The following MBOAT2 variants were observed in gnomAD, a reference collection of about 807,000 sequenced individuals.
MBOAT2 encodes the protein membrane bound glycerophospholipid O-acyltransferase 2.
Under a neutral mutation model 63.4 loss-of-function variants are expected in MBOAT2, and 28 were observed. The observed-to-expected ratio is 0.44, with a 90% confidence interval of 0.33 to 0.61. The LOEUF is 0.61. Among genes scored for constraint, MBOAT2 ranks in the 20% least tolerant of loss-of-function variants. MBOAT2 has a pLI of 0.03. For missense variants in MBOAT2, 470 were observed against 605.8 expected (o/e 0.78, Z 2.35); for synonymous variants, 211 against 215.6 (o/e 0.98, Z 0.19).
intron 3 of MBOAT2, among the ~76,000 whole-genome samples, chr2:8,937,651 C>CA (rs1239213018): frequency 6.6e-6 from 1 of 152,052 alleles, no homozygotes; most frequent in African/African-American, 2.4e-5. Flanking sequence ...ACACTCCAGA[C>CA]AGAGGGAACA....
chr2:8,993,240 T>A (rs1176910773), intron 1 of MBOAT2, among the ~76,000 whole-genome samples: 1 of 152,200 alleles, frequency 6.6e-6, no homozygotes, highest in South Asian at 2.1e-4. Flanking sequence ...CCCCCAAAAT[T>A]CTTCAATGCT....
intron 9 of MBOAT2, among the ~76,000 whole-genome samples, chr2:8,865,403 T>C (rs932230774): frequency 6.6e-6 from 1 of 152,122 alleles, no homozygotes; most frequent in Non-Finnish European, 1.5e-5. Context: ...CACACACACT[T>C]ATCCTGCCCT....
chr2:8,871,807 T>C lies in MBOAT2; in HGVS notation c.883+1301A>G, dbSNP rs546780298. ...AAACCGACAGTAAAATGCTAATCCT[T>C]AGAGGCCTAATTATTGGCTGATGTG... On this transcript the variant is annotated intron_variant, in intron 8 of 12. Transcript: ENST00000305997. 5.9e-5 allele frequency among the ~76,000 whole-genome samples: 9 copies of C among 152,294 alleles called. No homozygotes were observed. The South Asian group carries it at 1.9e-3, about 32-fold the overall frequency.
intron 3 of MBOAT2, among the ~76,000 whole-genome samples, chr2:8,911,519 A>C (rs548610125): frequency 2.2e-4 from 34 of 152,276 alleles, no homozygotes; most frequent in African/African-American, 7.9e-4. Context: ...GTAGAAATCT[A>C]ATCTCTAATG....
At position 8,951,961 on chromosome 2, in the gene MBOAT2, G is replaced by C. The variant is rs552691156; in HGVS notation, c.221+6536C>G. Among the ~76,000 whole-genome samples the C allele has an allele frequency of 2.2e-3, 334 of 152,136 alleles. 2 individuals carry two copies. The highest frequency in any genetic ancestry group is 4.0e-3 in the Non-Finnish European group (269 of 67,994). On this transcript the variant is annotated intron_variant, in intron 2 of 12. Coordinates refer to ENST00000305997, the MANE Select transcript of MBOAT2 (RefSeq NM_138799.4). ...TAATTTTAGTTATTTCTTTTCTTCT[G>C]CTAGCTTTGAGGTTAGTTTGTTCTC... is the stretch of plus-strand genomic sequence containing the variant.
chr2:8,985,715 C>A (rs1671518339), intron 1 of MBOAT2, among the ~76,000 whole-genome samples: 1 of 152,074 alleles, frequency 6.6e-6, no homozygotes, highest in African/African-American at 2.4e-5. Context: ...CAAGTATATG[C>A]CAAATGAGGC....
In MBOAT2 at chr2:9,003,566, T is replaced by G; in HGVS notation, c.49A>C (p.Asn17His). ...TGGTCGATGGGCAGCTGCACGGCGTTGCTGAGGGGCTGCAGCAGGGTGGAG... is the reference window on the plus strand; with the variant it reads ...TGGTCGATGGGCAGCTGCACGGCGTGGCTGAGGGGCTGCAGCAGGGTGGAG... ...TGSTLLQPLS[N>H]AVQLPIDQVN... The change falls in exon 1 of 13, where the codon AAC (asparagine) becomes CAC (histidine). Residue 17 changes from asparagine to histidine, a missense_variant. Around this residue, in one of 3 missense-constraint regions of MBOAT2, gnomAD observed 376 missense variants for 503.8 expected, o/e 0.75. Coordinates refer to ENST00000305997, the MANE Select transcript of MBOAT2 (RefSeq NM_138799.4). This position sits in a 1 kb window ranked among gnomAD's most constrained non-coding sequence, Gnocchi z 5.4. 1.6e-5 allele frequency: 20 copies of G among 1,231,738 alleles called. No individual in the cohort carries two copies. Among genetic ancestry groups the G allele is most frequent in the Non-Finnish European group, 2.0e-5 (20 of 981,180 alleles). 76.3% of individuals were successfully genotyped at this position (1,231,738 alleles called of 1,614,324 possible).
At chr2:8,982,689 C>A (rs1434247385) in intron 1 of MBOAT2, among the ~76,000 whole-genome samples, 2 of 152,172 alleles carry the variant, frequency 1.3e-5, no homozygotes, top group Non-Finnish European at 2.9e-5. Context: ...ATGCAATCAA[C>A]CCACCTCTGA....
intron 1 of MBOAT2, among the ~76,000 whole-genome samples, chr2:9,000,607 T>C (rs553466801): frequency 6.6e-6 from 1 of 152,330 alleles, no homozygotes; most frequent in African/African-American, 2.4e-5. Context: ...AATGCATCAT[T>C]AGGCAATTTT....
intron 3 of MBOAT2, among the ~76,000 whole-genome samples, chr2:8,933,658 A>G (rs1451342392): frequency 6.6e-6 from 1 of 152,148 alleles, no homozygotes; most frequent in Non-Finnish European, 1.5e-5. Context: ...TGATTTTTTA[A>G]TTGATTAATT....
chr2:8,949,292 T>G (rs1020283290), intron 2 of MBOAT2, among the ~76,000 whole-genome samples: 1 of 152,216 alleles, frequency 6.6e-6, no homozygotes, highest in African/African-American at 2.4e-5. Flanking sequence ...GTGGTCTGTT[T>G]ACTCTTGACA....
At chr2:8,974,541 GTA>G (rs887714201) in intron 1 of MBOAT2, 9 of 402,746 alleles carry the variant, frequency 2.2e-5, no homozygotes, top group Non-Finnish European at 4.6e-5. Flanking sequence ...TGCTATCTCT[GTA>G]TTTCCAAGAG....
At chr2:8,942,446 T>A (rs892604556) in intron 3 of MBOAT2, among the ~76,000 whole-genome samples, 19 of 152,206 alleles carry the variant, frequency 1.2e-4, no homozygotes, top group African/African-American at 4.6e-4. Flanking sequence ...TTCCCAAATT[T>A]CCATCTCTAG....
chr2:9,001,642 T>C (rs1672697728), intron 1 of MBOAT2, among the ~76,000 whole-genome samples: 1 of 152,188 alleles, frequency 6.6e-6, no homozygotes, highest in Non-Finnish European at 1.5e-5. Context: ...AAGAAGGATG[T>C]CAAAAATTTT....
intron 3 of MBOAT2, among the ~76,000 whole-genome samples, chr2:8,912,555 A>G (rs187785829): frequency 1.4e-4 from 22 of 152,278 alleles, no homozygotes; most frequent in African/African-American, 4.8e-4. Context: ...CAACAGCAAC[A>G]AAGCGGAGAA....
intron 12 of MBOAT2, among the ~76,000 whole-genome samples, chr2:8,860,278 G>T (rs1002289622): frequency 7.3e-5 from 11 of 151,664 alleles, no homozygotes; most frequent in Admixed American, 1.3e-4. Flanking sequence ...CAAGTTTTTT[G>T]TTAAATTTAG....
chr2:8,991,920 G>T (rs561614259), intron 1 of MBOAT2, among the ~76,000 whole-genome samples: 1 of 152,112 alleles, frequency 6.6e-6, no homozygotes, highest in Admixed American at 6.5e-5. Context: ...GCTTTCAGAC[G>T]GTCATGCTGT....
In MBOAT2 at chr2:8,908,609, T is replaced by G. The variant is rs769234472; in HGVS notation, c.395+12A>C. The G allele has an allele frequency of 3.9e-6, 6 of 1,529,972 alleles. No homozygotes were observed. Among genetic ancestry groups the G allele is most frequent in the Non-Finnish European group, 5.4e-6 (6 of 1,111,190 alleles). 94.8% of individuals were successfully genotyped at this position (1,529,972 alleles called of 1,614,324 possible). ...GATAAAACAGGCTACTGAATCAAAG[T>G]TTTCATCTTACCCTGAAAAATCAGC... On this transcript the variant is annotated intron_variant, in intron 4 of 12. Transcript: ENST00000305997.
chr2:8,920,865 TA>T (rs1197504643), intron 3 of MBOAT2, among the ~76,000 whole-genome samples: 1 of 152,210 alleles, frequency 6.6e-6, no homozygotes, highest in Non-Finnish European at 1.5e-5. Context: ...ACTGGTCTTA[TA>T]AACTGCAACC....
Sources: gnomAD v4.1 joint callset for allele counts (sites outside exome capture counted in the v4.1 genomes callset) on GRCh38, gnomAD v4.1.1 for gene constraint, gnomAD v4.1.1 regional missense constraint, Gnocchi (gnomAD v3.1) non-coding constraint, MANE v1.5 for transcripts, NCBI Gene and HGNC (gene_info 2026-07-23, HGNC 2026-07-21) for gene names.